The following ZFP92 variants were observed in gnomAD, a reference collection of about 807,000 sequenced individuals.
The protein encoded by ZFP92 is ZFP92 zinc finger protein, also known as zinc finger protein 92 homolog.
A neutral mutation model predicts 7.6 loss-of-function variants in ZFP92; 2 were observed. The observed-to-expected ratio is 0.26, with a 90% CI of 0.11 to 0.83. The LOEUF is 0.83. Among genes scored for constraint, ZFP92 ranks in the 40% least tolerant of loss-of-function variants. The probability of loss-of-function intolerance (pLI) is 0.65; values close to 1 mark genes in which losing one functional copy is unlikely to be tolerated. For missense variants in ZFP92, 324 were observed against 408.3 expected, an observed-to-expected ratio of 0.79 and a Z score of 1.78; for synonymous variants, 226 against 183.6, an observed-to-expected ratio of 1.23 and a Z score of -1.87.
At position 153,418,818 on chromosome X, in the gene ZFP92, AC is replaced by A. The variant is rs2088976042; in HGVS notation, c.160+20del. On this transcript the variant is annotated intron_variant, in intron 4 of 5. Transcript: ENST00000338647. ...TCACTGGGTAAGTGATCCCTCCACGACATACACACACCCAGTCCCACCTACT... is the reference window on the plus strand; with the variant it reads ...TCACTGGGTAAGTGATCCCTCCACGAATACACACACCCAGTCCCACCTACT... The A allele has an allele frequency of 1.7e-6, 2 of 1,162,453 alleles. No individual in the cohort carries two copies. The highest frequency in any genetic ancestry group is 5.2e-5 in the Admixed American group (2 of 38,134).
chrX:153,415,924 A>T (rs1218680541), intron 2 of ZFP92, among the ~76,000 whole-genome samples: 1 of 110,594 alleles, frequency 9.0e-6, no homozygotes, highest in African/African-American at 3.3e-5. Context: ...TCTCCCAATG[A>T]TCCCTAATCC....
chrX:153,418,237 A>C, intron 2 of ZFP92, 68 bp from the exon 3 acceptor site: 2 of 1,116,602 alleles, frequency 1.8e-6, no homozygotes, highest in South Asian at 3.9e-5. Context: ...CAGGGTCTTC[A>C]AGCAGGTCGC....
At position 153,421,641 on chromosome X, in the gene ZFP92, G is replaced by A. The variant is rs2089006064; in HGVS notation, c.*13G>A. The A allele has an allele frequency of 5.2e-6, 5 of 958,526 alleles. No individual in the cohort carries two copies. Among genetic ancestry groups the A allele is most frequent in the South Asian group, 3.7e-5 (1 of 26,771 alleles). 79.0% of individuals were successfully genotyped at this position (958,526 alleles called of 1,213,427 possible). ...CAGCCGCCGCTGACTCCCCGCCAGC[G>A]CACCCAGGGCGCGGCCGGTCTGCGT... On this transcript the variant is annotated 3_prime_UTR_variant, in exon 6 of 6. Coordinates refer to ENST00000338647, the MANE Select transcript of ZFP92 (RefSeq NM_001136273.2).
At position 153,418,749 on chromosome X, in the gene ZFP92, T is replaced by A. The variant is rs1382931148; in HGVS notation, c.110T>A (p.Val37Asp). ...EWKLLDLRQK[V>D]LYKRVMLENY... is the part of the protein sequence containing the mutation. ...AAGCTTCTGGACCTCAGACAAAAGGTCCTCTACAAGCGGGTGATGCTGGAG... is the reference window on the plus strand; with the variant it reads ...AAGCTTCTGGACCTCAGACAAAAGGACCTCTACAAGCGGGTGATGCTGGAG... Residue 37 changes from valine (V) to aspartate (D), a missense_variant, in exon 4 of 6, where the codon GTC (valine) becomes GAC (aspartate). Val to Asp is a radical substitution (Grantham distance 152, BLOSUM62 -3). Coordinates refer to ENST00000338647, the MANE Select transcript of ZFP92 (RefSeq NM_001136273.2). 8.6e-7 allele frequency: 1 copy of A among 1,167,913 alleles called. No individual in the cohort carries two copies. Among genetic ancestry groups the A allele is most frequent in the East Asian group, 3.2e-5 (1 of 30,781 alleles).
intron 2 of ZFP92, among the ~76,000 whole-genome samples, chrX:153,417,501 T>C (rs1215537081): frequency 8.9e-6 from 1 of 112,181 alleles, no homozygotes; most frequent in African/African-American, 3.2e-5. Context: ...ACATGTGCAT[T>C]TGGAGTTTCC....
chrX:153,418,548 C>T, intron 3 of ZFP92, 125 bp from the exon 4 acceptor site: 1 of 1,021,141 alleles, frequency 9.8e-7, no homozygotes, highest in Admixed American at 3.1e-5. Flanking sequence ...ACTCGTGCAA[C>T]CCGAGTCTTT....
chrX:153,419,405 C>T (rs183339897), intron 4 of ZFP92, among the ~76,000 whole-genome samples: 28 of 112,594 alleles, frequency 2.5e-4, no homozygotes, highest in Non-Finnish European at 3.2e-4. Flanking sequence ...ACAGGCTAGA[C>T]GGATGGGGGC....
In ZFP92 at chrX:153,421,013, G is replaced by C; in HGVS notation, c.636G>C (p.Glu212Asp). Residue 212 changes from glutamate to aspartate, a missense_variant, in exon 6 of 6, where the codon GAG (glutamate) becomes GAC (aspartate). Transcript: ENST00000338647. The part of the protein sequence containing the change: ...HSGEKPYACP[E>D]CSKTFTRSSN... ...GCGAGAAGCCCTACGCCTGCCCCGA[G>C]TGCAGCAAGACCTTCACGCGCAGCT... 8.3e-7 allele frequency: 1 copy of C among 1,201,317 alleles called. No individual in the cohort carries two copies. The highest frequency in any genetic ancestry group is 1.8e-5 in the South Asian group (1 of 55,731).
chrX:153,413,475 T>A (rs2088925876), intron 2 of ZFP92, among the ~76,000 whole-genome samples: 1 of 108,327 alleles, frequency 9.2e-6, no homozygotes, highest in Non-Finnish European at 1.9e-5. Flanking sequence ...CTCACAGAGG[T>A]GGAGCAGCCC....
In ZFP92 at chrX:153,420,310, G is replaced by C; in HGVS notation, c.243G>C (p.Trp81Cys). 2.6e-6 allele frequency: 3 copies of C among 1,166,180 alleles called. No individual in the cohort carries two copies. The highest frequency in any genetic ancestry group is 3.4e-6 in the Non-Finnish European group (3 of 872,163). ...GGGTAGCAGACATCCCCAGAACCTG[G>C]GCCACCGCAGGATTGCACATAGGTG... ...GPWVADIPRTWATAGLHIGDR... is the reference protein window; with the variant it reads ...GPWVADIPRTCATAGLHIGDR... The change falls in exon 5 of 6, where the codon TGG becomes TGC. Residue 81 changes from tryptophan to cysteine, a missense_variant. Physicochemically the swap from Trp to Cys is radical, Grantham distance 215. Coordinates refer to ENST00000338647, the MANE Select transcript of ZFP92 (RefSeq NM_001136273.2).
At chrX:153,418,633 G>A (rs782436460) in intron 3 of ZFP92, 40 bp from the exon 4 acceptor site, 3 of 1,161,871 alleles carry the variant, frequency 2.6e-6, no homozygotes, top group African/African-American at 1.8e-5. Flanking sequence ...GGGCCCAGGG[G>A]GTTGAATTCC....
intron 2 of ZFP92, among the ~76,000 whole-genome samples, chrX:153,417,324 G>A (rs1436436748): frequency 5.3e-5 from 6 of 112,293 alleles, no homozygotes; most frequent in Non-Finnish European, 9.4e-5. Flanking sequence ...CCATCTGAGG[G>A]CCAGGGTATG....
At position 153,421,397 on chromosome X, in the gene ZFP92, C is replaced by A; in HGVS notation, c.1020C>A (p.Arg340=). The A allele has an allele frequency of 8.6e-7, 1 of 1,156,808 alleles. No homozygotes were observed. The highest frequency in any genetic ancestry group is 1.1e-6 in the Non-Finnish European group (1 of 872,023). Residue 340 remains arginine (R), a synonymous_variant, in exon 6 of 6, where the codon CGC becomes CGA. Transcript: ENST00000338647. The part of the protein sequence containing the change: ...RGRSGLSQHR[R]VHSGEKPYEC... ...GTTCGGGCCTCAGCCAGCACCGGCG[C>A]GTGCACAGCGGTGAGAAGCCCTACG... is the stretch of plus-strand genomic sequence containing the variant.
At chrX:153,420,179 C>G (rs1556974616) in intron 4 of ZFP92, 49 bp from the exon 5 acceptor site, 2 of 1,014,358 alleles carry the variant, frequency 2.0e-6, no homozygotes, top group South Asian at 4.4e-5. Flanking sequence ...CAGGAGCGAC[C>G]CTGCCCTCAG....
Position 153,421,800 on chromosome X carries a change from C to A in ZFP92, c.*172C>A. 1 of 597,292 alleles carries A rather than the reference C, an allele frequency of 1.7e-6. No homozygotes were observed. The highest frequency in any genetic ancestry group is 2.4e-5 in the African/African-American group (1 of 41,434). 49.2% of individuals were successfully genotyped at this position (597,292 alleles called of 1,213,427 possible). ...CCCCAGGCAGAGCCTCACCCTGAGG[C>A]TGAGAAACGCAGGAAGGACTCAGAA... On this transcript the variant is annotated 3_prime_UTR_variant, in exon 6 of 6. Coordinates refer to ENST00000338647, the MANE Select transcript of ZFP92 (RefSeq NM_001136273.2).
Position 153,424,903 on chromosome X carries a change from G to A in ZFP92, c.*3275G>A. ...ATAGGCCTTGGGTTCAAGGTTACAG[G>A]AAAGGCTGTAAGCCTGAGATTGTGG... is the stretch of plus-strand genomic sequence containing the variant. On this transcript the variant is annotated 3_prime_UTR_variant, in exon 6 of 6. Coordinates refer to ENST00000338647, the MANE Select transcript of ZFP92 (RefSeq NM_001136273.2). 8.9e-6 allele frequency: 1 copy of A among 112,970 alleles called. No homozygotes were observed. Among genetic ancestry groups the A allele is most frequent in the Non-Finnish European group, 1.9e-5 (1 of 53,404 alleles). 9.3% of individuals were successfully genotyped at this position (112,970 alleles called of 1,213,427 possible).
chrX:153,424,626 G>T lies in ZFP92; in HGVS notation c.*2998G>T, dbSNP rs143930240. On this transcript the variant is annotated 3_prime_UTR_variant, in exon 6 of 6. Transcript: ENST00000338647. ...AGGCTTCCTCCACCCTGCCACCGAA[G>T]AACTTACCTGGATGCCAACCTGGGA... is the stretch of plus-strand genomic sequence containing the variant. 1 of 112,071 alleles carries T rather than the reference G, an allele frequency of 8.9e-6. No individual in the cohort carries two copies. Among genetic ancestry groups the T allele is most frequent in the African/African-American group, 3.2e-5 (1 of 30,875 alleles). The allele number at this position is 112,071 out of a possible 1,213,427, so 9.2% of individuals were successfully genotyped here. A position where few individuals can be genotyped will look rare whatever the true frequency, so the allele number is the denominator to read the frequency against.
intron 2 of ZFP92, 21 bp from the exon 3 acceptor site, chrX:153,418,284 G>C (rs1556974196): frequency 2.6e-6 from 3 of 1,167,129 alleles, no homozygotes; most frequent in Non-Finnish European, 2.3e-6. Flanking sequence ...GCTCACAGGG[G>C]GCTCTTTGCA....
At chrX:153,417,352 G>C (rs1189029224) in intron 2 of ZFP92, among the ~76,000 whole-genome samples, 2 of 112,202 alleles carry the variant, frequency 1.8e-5, no homozygotes, top group Non-Finnish European at 3.8e-5. Flanking sequence ...CTGTTGGCTG[G>C]CTACTCTCTT....
Sources: allele counts gnomAD v4.1 joint callset (sites outside exome capture counted in the v4.1 genomes callset), GRCh38; gene constraint gnomAD v4.1.1; transcripts MANE v1.5; gene names NCBI Gene and HGNC (gene_info 2026-07-23, HGNC 2026-07-21).